The following USP42 variants were observed in gnomAD, a reference collection of about 807,000 sequenced individuals.
USP42 encodes the protein ubiquitin specific peptidase 42.
A neutral mutation model predicts 113.0 loss-of-function variants in USP42; 23 were observed. That is an observed-to-expected ratio of 0.20 (90% CI 0.15 to 0.29). The LOEUF is 0.29. Ranked by LOEUF, USP42 falls within the 10% of genes least tolerant of loss-of-function variation. The probability of loss-of-function intolerance (pLI) is 1.00; values close to 1 mark genes in which losing one functional copy is unlikely to be tolerated. For synonymous variants in USP42, 933 were observed against 699.0 expected, an observed-to-expected ratio of 1.33 and a Z score of -5.28; for missense variants, 2,174 against 1,779.8, an observed-to-expected ratio of 1.22 and a Z score of -3.99.
chr7:6,120,035 G>A (rs894142484), intron 3 of USP42, among the ~76,000 whole-genome samples: 1 of 152,054 alleles, frequency 6.6e-6, no homozygotes, highest in Non-Finnish European at 1.5e-5. Flanking sequence ...GCGCTGTCTC[G>A]GCTCACTGCA....
the USP42 span, among the ~76,000 whole-genome samples, chr7:6,096,522 G>A: frequency 6.6e-5 from 10 of 151,294 alleles, no homozygotes; most frequent in Non-Finnish European, 8.8e-5. Context: ...CATGCAGAGA[G>A]TTCACTCAGG....
chr7:6,149,513 G>A (rs1162852604), intron 12 of USP42, 70 bp from the exon 13 acceptor site: 12 of 1,522,304 alleles, frequency 7.9e-6, no homozygotes, highest in African/African-American at 1.4e-5. Context: ...GGACCCATCA[G>A]CCAAAATGGG....
In USP42 at chr7:6,139,336, CCTTA is replaced by C; in HGVS notation, c.656+143_656+146del. 5.2e-6 allele frequency: 3 copies of C among 580,360 alleles called. No homozygotes were observed. The South Asian group carries it at 8.4e-5, about 16-fold the overall frequency. 36.0% of individuals were successfully genotyped at this position (580,360 alleles called of 1,614,324 possible). A position where few individuals can be genotyped will look rare whatever the true frequency, so the allele number is the denominator to read the frequency against. On this transcript the variant is annotated intron_variant, in intron 5 of 17. Transcript: ENST00000306177. This position sits in a 1 kb window ranked among gnomAD's most constrained non-coding sequence, Gnocchi z 4.5. Reference sequence around the variant, plus strand: ...ACCTTTTGGCTTTGCTCTGCCTCTTCCTTAGGTGATGTGCATTATTTTAAAATGG... The same window carrying C: ...ACCTTTTGGCTTTGCTCTGCCTCTTCGGTGATGTGCATTATTTTAAAATGG...
At chr7:6,086,032 CTCTTTTTTTTTT>C in the USP42 span, among the ~76,000 whole-genome samples, 1 of 150,536 alleles carries the variant, frequency 6.6e-6, no homozygotes, top group Admixed American at 6.6e-5. Context: ...GATAACCACC[CTCTTTTTTTTTT>C]TCTTTTTTTT....
At chr7:6,135,541 C>G (rs1214519397) in intron 3 of USP42, among the ~76,000 whole-genome samples, 1 of 147,390 alleles carries the variant, frequency 6.8e-6, no homozygotes, top group Non-Finnish European at 1.5e-5. Flanking sequence ...GTCCCAGCTA[C>G]TTGGGAGGCT....
chr7:6,093,795 C>T, the USP42 span, among the ~76,000 whole-genome samples: 6 of 150,144 alleles, frequency 4.0e-5, 2 homozygotes, highest in African/African-American at 1.5e-4. Context: ...ATATTTTCTT[C>T]TTTGTTTTTT....
the USP42 span, among the ~76,000 whole-genome samples, chr7:6,083,316 T>C: frequency 6.7e-6 from 1 of 149,594 alleles, no homozygotes; most frequent in African/African-American, 2.5e-5. Flanking sequence ...AGTGCAGTGG[T>C]GCTATCTTGG....
chr7:6,127,049 G>A (rs548368180), intron 3 of USP42, among the ~76,000 whole-genome samples: 7 of 152,304 alleles, frequency 4.6e-5, no homozygotes, highest in African/African-American at 1.4e-4. Context: ...TGGTAACTCA[G>A]TGTGGCTTTC....
chr7:6,160,421 C>T (rs1782706560), intron 17 of USP42, 134 bp from the exon 18 acceptor site: 2 of 80,624 alleles, frequency 2.5e-5, no homozygotes, highest in South Asian at 2.9e-4. Context: ...CTCAGGAAGG[C>T]AGAGAAGGCA....
At position 6,111,108 on chromosome 7, in the gene USP42, C is replaced by G. The variant is rs1179144988; in HGVS notation, c.-9-17C>G. The G allele has an allele frequency of 6.9e-6, 11 of 1,600,290 alleles. No individual in the cohort carries two copies. Among genetic ancestry groups the G allele is most frequent in the Non-Finnish European group, 9.4e-6 (11 of 1,169,852 alleles). ...TCTCACCTGATGAAACAAATACATACTTTTCATCTTTTGCAGAGTTGAACA... is the reference window on the plus strand; with the variant it reads ...TCTCACCTGATGAAACAAATACATAGTTTTCATCTTTTGCAGAGTTGAACA... On this transcript the variant is annotated splice_polypyrimidine_tract_variant and intron_variant, in intron 1 of 17. Transcript: ENST00000306177.
At chr7:6,138,210 A>G (rs1244088718) in intron 4 of USP42, among the ~76,000 whole-genome samples, 1 of 152,158 alleles carries the variant, frequency 6.6e-6, no homozygotes, top group Non-Finnish European at 1.5e-5. Flanking sequence ...TTCAGTATAT[A>G]TGTTTTAGTG....
the USP42 span, among the ~76,000 whole-genome samples, chr7:6,098,716 T>C: frequency 6.7e-6 from 1 of 150,212 alleles, no homozygotes; most frequent in African/African-American, 2.5e-5. Flanking sequence ...GGCTAATTTT[T>C]GTATTTTTTA....
chr7:6,082,678 T>C, the USP42 span, among the ~76,000 whole-genome samples: 1 of 144,102 alleles, frequency 6.9e-6, no homozygotes, highest in East Asian at 2.0e-4. Context: ...TGGCATGATC[T>C]TGGCTCACTG....
At chr7:6,118,764 T>G (rs1396571684) in intron 3 of USP42, among the ~76,000 whole-genome samples, 1 of 152,174 alleles carries the variant, frequency 6.6e-6, no homozygotes. Context: ...AAATTGTCTT[T>G]GCACCTTTAT....
chr7:6,161,339 C>A lies in USP42; in HGVS notation c.*821C>A, dbSNP rs1302684160. 6.6e-6 allele frequency: 1 copy of A among 152,550 alleles called. No individual in the cohort carries two copies. Among genetic ancestry groups the A allele is most frequent in the Non-Finnish European group, 1.5e-5 (1 of 68,020 alleles). 9.4% of individuals were successfully genotyped at this position (152,550 alleles called of 1,614,324 possible). A position where few individuals can be genotyped will look rare whatever the true frequency, so the allele number is the denominator to read the frequency against. On this transcript the variant is annotated 3_prime_UTR_variant, in exon 18 of 18. Coordinates refer to ENST00000306177, the MANE Select transcript of USP42 (RefSeq NM_032172.3). ...TTTTTAATATGGATATGCTATCAAA[C>A]TGTGATACACTTATAATTCACTGGT... is the stretch of plus-strand genomic sequence containing the variant.
intron 3 of USP42, among the ~76,000 whole-genome samples, chr7:6,125,130 G>A (rs1780455018): frequency 6.8e-6 from 1 of 146,392 alleles, no homozygotes; most frequent in East Asian, 2.0e-4. Flanking sequence ...TCAGTGAGCC[G>A]AGATTGCACC....
rs941971028 is a variant in USP42, at chr7:6,141,437, C to T, written c.795+453C>T. Among the ~76,000 whole-genome samples the T allele has an allele frequency of 3.3e-5, 5 of 152,040 alleles. No homozygotes were observed. The East Asian group carries it at 7.7e-4, about 23-fold the overall frequency. On this transcript the variant is annotated intron_variant, in intron 7 of 17. Transcript: ENST00000306177. ...CAGGATGGTCTTGAACTCTTGACCT[C>T]GTGATCTGCCCACCTCCCAAAGTGC... is the stretch of plus-strand genomic sequence containing the variant.
rs771429506 is a variant in USP42 at position 6,149,987 on chromosome 7, C to T, written c.1791C>T (p.Ser597=). The T allele has an allele frequency of 6.2e-7, 1 of 1,613,792 alleles. No homozygotes were observed. The highest frequency in any genetic ancestry group is 8.5e-7 in the Non-Finnish European group (1 of 1,179,798). Reference sequence around the variant, plus strand: ...CCCAGCCCGTGATGAATGGCAAATCCAAGCTGAACTCCAGCGTGCTGGTGC... The same window carrying T: ...CCCAGCCCGTGATGAATGGCAAATCTAAGCTGAACTCCAGCGTGCTGGTGC... ...SCSQPVMNGK[S]KLNSSVLVPY... The change falls in exon 13 of 18, where the codon TCC becomes TCT. Residue 597 remains serine, a synonymous_variant. Coordinates refer to ENST00000306177, the MANE Select transcript of USP42 (RefSeq NM_032172.3).
chr7:6,119,209 T>C (rs1173548909), intron 3 of USP42, among the ~76,000 whole-genome samples: 2 of 152,106 alleles, frequency 1.3e-5, no homozygotes, highest in African/African-American at 4.8e-5. Flanking sequence ...AGTGAGATGC[T>C]GTCTCAAAAA....
Sources: gnomAD v4.1 joint callset for allele counts (sites outside exome capture counted in the v4.1 genomes callset) on GRCh38, gnomAD v4.1.1 for gene constraint, Gnocchi (gnomAD v3.1) non-coding constraint, MANE v1.5 for transcripts, NCBI Gene and HGNC (gene_info 2026-07-23, HGNC 2026-07-21) for gene names.